PAM: variants seen among roughly 807,000 people sequenced by gnomAD.
PAM encodes peptidylglycine alpha-amidating monooxygenase.
In PAM, 72 loss-of-function variants were observed where a neutral mutation model predicts 122.1. The observed-to-expected ratio is 0.59, with a 90% CI of 0.49 to 0.72. The LOEUF (loss-of-function observed/expected upper bound fraction) is 0.72. PAM is among the 30% of genes least tolerant of loss of function. PAM has a pLI of 0.00. For synonymous variants in PAM, 389 were observed against 404.4 expected, an observed-to-expected ratio of 0.96 and a Z score of 0.46; for missense variants, 1,106 against 1,183.7, an observed-to-expected ratio of 0.93 and a Z score of 0.96.
intron 1 of PAM, among the ~76,000 whole-genome samples, chr5:102,763,038 C>T (rs955364536): frequency 6.6e-6 from 1 of 152,102 alleles, no homozygotes; most frequent in African/African-American, 2.4e-5. Context: ...TAAATGTAAC[C>T]TTTCACCTAG....
intron 1 of PAM, among the ~76,000 whole-genome samples, chr5:102,861,355 C>A (rs1184435806): frequency 1.3e-5 from 2 of 152,172 alleles, no homozygotes; most frequent in Non-Finnish European, 2.9e-5. Flanking sequence ...GTGAGAAGAA[C>A]ACACCATCAT....
At chr5:102,796,736 T>A (rs73185113) in intron 1 of PAM, among the ~76,000 whole-genome samples, 4,877 of 152,270 alleles carry the variant, frequency 0.032, 267 homozygotes, top group African/African-American at 0.11. Context: ...TAAATTTCCC[T>A]TTTTGAAATA....
chr5:102,960,141 A>AT, intron 13 of PAM, 82 bp downstream of exon 13: 1 of 756,562 alleles, frequency 1.3e-6, no homozygotes, highest in Non-Finnish European at 2.1e-6. Flanking sequence ...TGATATTTAA[A>AT]ATCATCTTTA....
intron 23 of PAM, 56 bp from the exon 24 acceptor site, chr5:103,025,075 G>A (rs1784569684): frequency 8.1e-7 from 1 of 1,240,834 alleles, no homozygotes; most frequent in South Asian, 1.2e-5. Flanking sequence ...GGGTGGGTAA[G>A]GGGGTTTTGA....
chr5:102,844,020 G>A (rs1779333033), intron 1 of PAM, among the ~76,000 whole-genome samples: 1 of 152,156 alleles, frequency 6.6e-6, no homozygotes, highest in South Asian at 2.1e-4. Flanking sequence ...CATGTTCATA[G>A]CAGCTTTATT....
chr5:102,815,010 C>T (rs1392733073), intron 1 of PAM, among the ~76,000 whole-genome samples: 2 of 151,990 alleles, frequency 1.3e-5, no homozygotes, highest in African/African-American at 4.8e-5. Flanking sequence ...AAACCTAGTC[C>T]TTCTCTTTAC....
intron 1 of PAM, among the ~76,000 whole-genome samples, chr5:102,762,554 C>A (rs563136018): frequency 2.0e-5 from 3 of 152,022 alleles, no homozygotes; most frequent in South Asian, 4.2e-4. Flanking sequence ...AATGCTACAT[C>A]TTATTTTAAA....
chr5:102,884,401 G>A (rs564096167), intron 3 of PAM, among the ~76,000 whole-genome samples: 17 of 151,700 alleles, frequency 1.1e-4, no homozygotes, highest in Admixed American at 2.6e-4. Flanking sequence ...GCTTTGCACC[G>A]GTGCTATTAA....
chr5:102,781,210 A>AT (rs999238630), intron 1 of PAM, among the ~76,000 whole-genome samples: 2 of 152,026 alleles, frequency 1.3e-5, no homozygotes, highest in African/African-American at 2.4e-5. Flanking sequence ...ATAATTACTC[A>AT]TTTTTTTGGG....
At chr5:102,873,110 A>C (rs1453058778) in intron 3 of PAM, among the ~76,000 whole-genome samples, 1 of 152,192 alleles carries the variant, frequency 6.6e-6, no homozygotes, top group Non-Finnish European at 1.5e-5. Flanking sequence ...TCCAGAAAAA[A>C]ATGATACTTT....
intron 1 of PAM, among the ~76,000 whole-genome samples, chr5:102,802,142 T>G (rs1198989397): frequency 6.6e-6 from 1 of 152,194 alleles, no homozygotes; most frequent in Non-Finnish European, 1.5e-5. Flanking sequence ...TATCTTAAAC[T>G]AGCTTCTTTA....
At chr5:103,019,067 C>T (rs1017288176) in intron 22 of PAM, among the ~76,000 whole-genome samples, 1 of 152,110 alleles carries the variant, frequency 6.6e-6, no homozygotes, top group Non-Finnish European at 1.5e-5. Context: ...GGCCATGGCC[C>T]GGGATTTGGG....
intron 1 of PAM, among the ~76,000 whole-genome samples, chr5:102,774,452 T>A (rs1482312581): frequency 6.6e-6 from 1 of 152,124 alleles, no homozygotes; most frequent in East Asian, 1.9e-4. Flanking sequence ...TGTGTCAGTT[T>A]TTTCATATGG....
At chr5:102,982,662 C>G (rs1456400627) in intron 15 of PAM, among the ~76,000 whole-genome samples, 4 of 152,198 alleles carry the variant, frequency 2.6e-5, no homozygotes, top group Non-Finnish European at 5.9e-5. Context: ...ACTGTGTCCA[C>G]TTAGAAGTAA....
intron 22 of PAM, 34 bp downstream of exon 22, chr5:103,017,467 C>A: frequency 7.6e-7 from 1 of 1,316,738 alleles, no homozygotes; most frequent in Non-Finnish European, 1.1e-6. Flanking sequence ...TTCACATTTT[C>A]CCTCAGTTTG....
At chr5:102,937,871 G>T (rs1218659994) in intron 7 of PAM, among the ~76,000 whole-genome samples, 2 of 152,178 alleles carry the variant, frequency 1.3e-5, no homozygotes, top group Non-Finnish European at 2.9e-5. Flanking sequence ...GTTATGAAGT[G>T]AAATGAACTC....
intron 18 of PAM, among the ~76,000 whole-genome samples, chr5:103,006,433 T>C (rs1009912670): frequency 1.3e-5 from 2 of 152,182 alleles, no homozygotes; most frequent in African/African-American, 2.4e-5. Flanking sequence ...TTGGAAAACA[T>C]CATCTCAGTA....
rs1419797278 is a variant in PAM at position 102,914,004 on chromosome 5, A to G, written c.339A>G (p.Ser113=). ...HMLLFGCNMP[S]STGSYWFCDE... The stretch of plus-strand genomic sequence containing the variant: ...TACTTTTTGGATGCAATATGCCTTC[A>G]TCCACTGGAAGTTACTGGTAAGGAT... The change falls in exon 5 of 26, where the codon TCA becomes TCG. Residue 113 remains serine, a synonymous_variant. Transcript: ENST00000438793. 1 of 1,580,592 alleles carries G rather than the reference A, an allele frequency of 6.3e-7. No individual in the cohort carries two copies. The highest frequency in any genetic ancestry group is 1.3e-5 in the African/African-American group (1 of 74,210).
chr5:102,784,651 A>G lies in PAM; in HGVS notation c.-374+29303A>G, dbSNP rs116352325. ...TGAGTCATACATATATGTAGAATTG[A>G]ATTAAAAATATACTCAACGTATTTG... On this transcript the variant is annotated intron_variant, in intron 1 of 25. Coordinates refer to ENST00000438793, the MANE Select transcript of PAM (RefSeq NM_001177306.2). Among the ~76,000 whole-genome samples the G allele has an allele frequency of 7.2e-3, 1,100 of 152,328 alleles. 11 individuals carry two copies. Among genetic ancestry groups the G allele is most frequent in the Non-Finnish European group, 0.013 (860 of 68,036 alleles).
Sources: allele counts gnomAD v4.1 joint callset (sites outside exome capture counted in the v4.1 genomes callset), GRCh38; gene constraint gnomAD v4.1.1; transcripts MANE v1.5; gene names NCBI Gene and HGNC (gene_info 2026-07-23, HGNC 2026-07-21).